The following GDF6 variants were observed in gnomAD, a reference collection of about 807,000 sequenced individuals.
GDF6 encodes growth/differentiation factor 6.
Under a neutral mutation model 32.4 loss-of-function variants are expected in GDF6, and 3 were observed. The ratio of observed to expected loss-of-function variants is 0.09; its 90% CI spans 0.04 to 0.24. The LOEUF (loss-of-function observed/expected upper bound fraction) is 0.24, where lower values mean the gene tolerates loss of function less well. GDF6 is among the 10% of genes least tolerant of loss of function. The pLI, the probability that GDF6 is intolerant of heterozygous loss-of-function variation, is 1.00. For missense variants in GDF6, 589 were observed against 637.9 expected (o/e 0.92, Z 0.83); for synonymous variants, 296 against 295.3 (o/e 1.00, Z -0.03).
In GDF6 at chr8:96,144,893, G is replaced by C; in HGVS notation, c.1038C>G (p.His346Gln). 6.2e-7 allele frequency: 1 copy of C among 1,612,968 alleles called. No individual in the cohort carries two copies. The highest frequency in any genetic ancestry group is 2.2e-5 in the East Asian group (1 of 44,802). Reference sequence around the variant, plus strand: ...TGCAGCGTAGCCTGGACTTCTTGCCGTGCCGCTTGCCATGGCGACTGGCGA... The same window carrying C: ...TGCAGCGTAGCCTGGACTTCTTGCCCTGCCGCTTGCCATGGCGACTGGCGA... ...TAFASRHGKR[H>Q]GKKSRLRCSK... The change falls in exon 2 of 2, where the codon CAC becomes CAG. Residue 346 changes from histidine to glutamine, a missense_variant. Coordinates refer to ENST00000287020, the MANE Select transcript of GDF6 (RefSeq NM_001001557.4). The surrounding 1 kb of genome is among the most constrained non-coding windows in gnomAD (Gnocchi z 5.1).
rs764817524 is a variant in GDF6 at position 96,160,630 on chromosome 8, G to T, written c.63C>A (p.Pro21=). The change falls in exon 1 of 2, where the codon CCC becomes CCA. Residue 21 remains proline, a synonymous_variant. Transcript: ENST00000287020. ...VFLISFLWDL[P]GFQQASISSS... ...ATGAGATGGAAGCCTGCTGGAAACC[G>T]GGCAAATCCCACAGAAAACTGATGA... 10 of 1,613,746 alleles carry T rather than the reference G, an allele frequency of 6.2e-6. No individual in the cohort carries two copies. The highest frequency in any genetic ancestry group is 1.3e-5 in the African/African-American group (1 of 75,056).
intron 1 of GDF6, among the ~76,000 whole-genome samples, chr8:96,155,273 G>T (rs772196366): frequency 2.6e-5 from 4 of 152,222 alleles, no homozygotes. Context: ...CTGCGCTCTC[G>T]CTGTAGAGCA....
chr8:96,157,981 G>T (rs1474462678), intron 1 of GDF6, among the ~76,000 whole-genome samples: 3 of 152,134 alleles, frequency 2.0e-5, no homozygotes, highest in African/African-American at 7.2e-5. Context: ...CCCGCCCGTG[G>T]CTCCGCACTC....
Position 96,145,107 on chromosome 8 carries a change from C to G in GDF6, c.824G>C (p.Arg275Pro). The G allele has an allele frequency of 2.0e-6, 3 of 1,521,422 alleles. No homozygotes were observed. Among genetic ancestry groups the G allele is most frequent in the Non-Finnish European group, 2.6e-6 (3 of 1,143,640 alleles). The allele number at this position is 1,521,422 out of a possible 1,614,324, so 94.2% of individuals were successfully genotyped here. A position where few individuals can be genotyped will look rare whatever the true frequency, so the allele number is the denominator to read the frequency against. Residue 275 changes from arginine (R) to proline (P), a missense_variant, in exon 2 of 2, where the codon CGG (arginine) becomes CCG (proline). Transcript: ENST00000287020. The surrounding 1 kb of genome is among the most constrained non-coding windows in gnomAD (Gnocchi z 5.6). ...FGRRVRPPQE[R>P]ALLVVFTRSQ... ...TCTGGTGAATACCACCAGCAGGGCCCGCTCCTGGGGAGGCCGCACCCTCCG... is the reference window on the plus strand; with the variant it reads ...TCTGGTGAATACCACCAGCAGGGCCGGCTCCTGGGGAGGCCGCACCCTCCG...
In GDF6 at chr8:96,160,554, T is replaced by C; in HGVS notation, c.139A>G (p.Lys47Glu). The change falls in exon 1 of 2, where the codon AAG becomes GAG. Residue 47 changes from lysine (K) to glutamate (E), a missense_variant. Physicochemically the swap from Lys to Glu is moderately conservative, Grantham distance 56. Transcript: ENST00000287020. ...LGSTKGMRSRKEGKMQRAPRD... is the reference protein window; with the variant it reads ...LGSTKGMRSREEGKMQRAPRD... ...GGCGCCCGCTGCATCTTGCCTTCCT[T>C]GCGGCTTCGCATGCCCTTGGTGGAA... 6.2e-7 allele frequency: 1 copy of C among 1,613,536 alleles called. No individual in the cohort carries two copies. Among genetic ancestry groups the C allele is most frequent in the Non-Finnish European group, 8.5e-7 (1 of 1,179,678 alleles).
rs1812399287 is a variant in GDF6 at position 96,143,062 on chromosome 8, A to T, written c.*1501T>A. On this transcript the variant is annotated 3_prime_UTR_variant, in exon 2 of 2. Coordinates refer to ENST00000287020, the MANE Select transcript of GDF6 (RefSeq NM_001001557.4). The stretch of plus-strand genomic sequence containing the variant: ...GGCTGGGGGAAAGTTCATGTTTTTG[A>T]CTATCTGGGAATGGGTATTTCAATT... 1 of 152,212 alleles carries T rather than the reference A, an allele frequency of 6.6e-6. No homozygotes were observed. Among genetic ancestry groups the T allele is most frequent in the Non-Finnish European group, 1.5e-5 (1 of 68,044 alleles). 9.4% of individuals were successfully genotyped at this position (152,212 alleles called of 1,614,324 possible).
chr8:96,154,069 G>A (rs368503582), intron 1 of GDF6, among the ~76,000 whole-genome samples: 284 of 152,236 alleles, frequency 1.9e-3, no homozygotes, highest in African/African-American at 6.5e-3. Context: ...CAGGCGCACC[G>A]ATTCTCCTGG....
rs1256773569 is a variant in GDF6 at position 96,144,172 on chromosome 8, G to C, written c.*391C>G. ...AATCCATGGAGCAGTTGAGAAACGG[G>C]TATGCATCTCTCCTCCCCTCCCCTT... On this transcript the variant is annotated 3_prime_UTR_variant, in exon 2 of 2. Coordinates refer to ENST00000287020, the MANE Select transcript of GDF6 (RefSeq NM_001001557.4). The surrounding 1 kb of genome is among the most constrained non-coding windows in gnomAD (Gnocchi z 5.1). 4.2e-6 allele frequency: 1 copy of C among 240,638 alleles called. No homozygotes were observed. Among genetic ancestry groups the C allele is most frequent in the Non-Finnish European group, 8.1e-6 (1 of 122,704 alleles). 14.9% of individuals were successfully genotyped at this position (240,638 alleles called of 1,614,324 possible).
At chr8:96,160,095 G>T (rs1366682428) in intron 1 of GDF6, among the ~76,000 whole-genome samples, 192 bp downstream of exon 1, 1 of 152,268 alleles carries the variant, frequency 6.6e-6, no homozygotes, top group Non-Finnish European at 1.5e-5. Flanking sequence ...AGGAAGGGAG[G>T]TTTAGAGACT....
chr8:96,159,794 G>A (rs1044233177), intron 1 of GDF6, among the ~76,000 whole-genome samples: 1 of 152,228 alleles, frequency 6.6e-6, no homozygotes, highest in East Asian at 1.9e-4. Flanking sequence ...CGCCGCTCGC[G>A]GACTAGTTCC....
intron 1 of GDF6, among the ~76,000 whole-genome samples, chr8:96,157,615 C>T (rs958976642): frequency 2.5e-4 from 38 of 152,176 alleles, no homozygotes; most frequent in African/African-American, 8.9e-4. Flanking sequence ...GCTCTTTCCT[C>T]CTCGCCAGGC....
At chr8:96,159,875 CCCCAGCAGCTCAGGCCTTGGACTGCGAA>C (rs1444953610) in intron 1 of GDF6, among the ~76,000 whole-genome samples, 2 of 152,208 alleles carry the variant, frequency 1.3e-5, no homozygotes, top group African/African-American at 4.8e-5. Context: ...CCTAGATCTG[CCCCAGCAGCTCAGGCCTTGGACTGCGAA>C]CCCAGTATCC....
At chr8:96,157,629 C>A (rs1228743856) in intron 1 of GDF6, among the ~76,000 whole-genome samples, 2 of 152,198 alleles carry the variant, frequency 1.3e-5, no homozygotes, top group Admixed American at 6.5e-5. Flanking sequence ...GCCAGGCCGT[C>A]CACGCGTTGG....
chr8:96,152,476 G>A (rs1224603548), intron 1 of GDF6, among the ~76,000 whole-genome samples: 3 of 152,164 alleles, frequency 2.0e-5, no homozygotes, highest in Admixed American at 6.5e-5. Context: ...GTGGGGGCAC[G>A]ATCTGACCAC....
chr8:96,145,492 T>C lies in GDF6; in HGVS notation c.439A>G (p.Lys147Glu). 6.3e-7 allele frequency: 1 copy of C among 1,597,866 alleles called. No individual in the cohort carries two copies. Among genetic ancestry groups the C allele is most frequent in the Non-Finnish European group, 8.5e-7 (1 of 1,179,576 alleles). ...AGCATGGACACATCAAACAAATACT[T>C]CTGTCTCCGGAGAGGAGTGTGCGAG... ...DLSHTPLRRQ[K>E]YLFDVSMLSD... Residue 147 changes from lysine to glutamate, a missense_variant, in exon 2 of 2, where the codon AAG becomes GAG. Lys to Glu is a moderately conservative substitution (Grantham distance 56). Transcript: ENST00000287020. This position sits in a 1 kb window ranked among gnomAD's most constrained non-coding sequence, Gnocchi z 5.6.
At chr8:96,156,311 T>C (rs991796308) in intron 1 of GDF6, among the ~76,000 whole-genome samples, 3 of 152,122 alleles carry the variant, frequency 2.0e-5, no homozygotes, top group Non-Finnish European at 2.9e-5. Context: ...GTTGGAATTA[T>C]GTGGCACCTT....
chr8:96,146,705 C>CAGAGAGAGAGAGAG (rs555323322), intron 1 of GDF6, among the ~76,000 whole-genome samples: 147 of 138,446 alleles, frequency 1.1e-3, no homozygotes, highest in African/African-American at 4.1e-3. Flanking sequence ...CACACACACA[C>CAGAGAGAGAGAGAG]ACAGAGAGAG....
intron 1 of GDF6, among the ~76,000 whole-genome samples, chr8:96,156,379 T>TCTCTCTCTCTCTCTCTCTCTCC (rs1812662692): frequency 1.8e-3 from 1 of 542 alleles, no homozygotes; most frequent in South Asian, 0.045. Flanking sequence ...TCTCTTTCCC[T>TCTCTCTCTCTCTCTCTCTCTCC]CTCTCTCTCT....
chr8:96,159,602 C>T (rs1284662970), intron 1 of GDF6, among the ~76,000 whole-genome samples: 1 of 152,250 alleles, frequency 6.6e-6, no homozygotes, highest in Non-Finnish European at 1.5e-5. Flanking sequence ...CCTGTCCCGG[C>T]CCGCCCAACT....
Sources: allele counts gnomAD v4.1 joint callset (sites outside exome capture counted in the v4.1 genomes callset), GRCh38; gene constraint gnomAD v4.1.1; non-coding constraint Gnocchi (gnomAD v3.1); transcripts MANE v1.5; gene names NCBI Gene and HGNC (gene_info 2026-07-23, HGNC 2026-07-21).